ZFP2: variants seen among roughly 807,000 people sequenced by gnomAD.
ZFP2 encodes ZFP2 zinc finger protein.
Under a neutral mutation model 36.1 loss-of-function variants are expected in ZFP2, and 33 were observed. The ratio of observed to expected loss-of-function variants is 0.92; its 90% CI spans 0.69 to 1.22. The LOEUF (loss-of-function observed/expected upper bound fraction) is 1.22, where lower values mean the gene tolerates loss of function less well. Ranked by LOEUF, ZFP2 falls within the 50% of genes most tolerant of loss-of-function variation. The pLI, the probability that ZFP2 is intolerant of heterozygous loss-of-function variation, is 0.00. For synonymous variants in ZFP2, 170 were observed against 178.0 expected (o/e 0.96, Z 0.36); for missense variants, 522 against 551.4 (o/e 0.95, Z 0.53).
rs777375924 is a variant in ZFP2 at position 178,932,086 on chromosome 5, T to C, written c.773T>C (p.Ile258Thr). ...GCCTTCAGTCAAAGCATGCATCTTA[T>C]TGTACATCAGAGAAGCCATACTGGA... ...GKAFSQSMHL[I>T]VHQRSHTGEK... The change falls in exon 5 of 5, where the codon ATT becomes ACT. Residue 258 changes from isoleucine to threonine, a missense_variant. Transcript: ENST00000361362. 3 of 1,613,916 alleles carry C rather than the reference T, an allele frequency of 1.9e-6. No individual in the cohort carries two copies. Among genetic ancestry groups the C allele is most frequent in the Non-Finnish European group, 1.7e-6 (2 of 1,179,976 alleles).
intron 1 of ZFP2, among the ~76,000 whole-genome samples, chr5:178,898,746 A>G (rs558805104): frequency 6.6e-6 from 1 of 152,320 alleles, no homozygotes; most frequent in South Asian, 2.1e-4. Context: ...TGCTCAGGAC[A>G]GGGTTATTGA....
chr5:178,899,562 G>A (rs76478747), intron 1 of ZFP2, among the ~76,000 whole-genome samples: 39 of 152,010 alleles, frequency 2.6e-4, no homozygotes, highest in Admixed American at 5.9e-4. Flanking sequence ...ACCAAGTGTC[G>A]GGAAGGAGGA....
chr5:178,921,097 G>A (rs987084648), intron 4 of ZFP2, among the ~76,000 whole-genome samples: 16 of 152,252 alleles, frequency 1.1e-4, no homozygotes, highest in Middle Eastern at 3.4e-3. Flanking sequence ...GCTCACATGT[G>A]TGTCACTCTG....
intron 1 of ZFP2, among the ~76,000 whole-genome samples, chr5:178,898,607 C>T (rs72816610): frequency 3.9e-5 from 6 of 152,190 alleles, no homozygotes; most frequent in Non-Finnish European, 8.8e-5. Context: ...CTGTCCCTCC[C>T]CAAGGAAGAA....
intron 1 of ZFP2, among the ~76,000 whole-genome samples, chr5:178,897,117 A>G (rs1280337168): frequency 6.6e-6 from 1 of 151,738 alleles, no homozygotes; most frequent in African/African-American, 2.4e-5. Flanking sequence ...TTATTCTATA[A>G]ATCTCTTAAA....
intron 1 of ZFP2, among the ~76,000 whole-genome samples, chr5:178,903,997 G>C: frequency 7.0e-6 from 1 of 142,744 alleles, no homozygotes. Context: ...CTCCAAAAAA[G>C]AAAAAAGAAA....
chr5:178,913,393 G>A (rs570362986), intron 3 of ZFP2, among the ~76,000 whole-genome samples: 2 of 152,088 alleles, frequency 1.3e-5, no homozygotes, highest in Non-Finnish European at 2.9e-5. Context: ...CTGTCTTTAC[G>A]CATCTTCTCT....
chr5:178,931,949 A>G lies in ZFP2; in HGVS notation c.636A>G (p.Lys212=), dbSNP rs34499286. 0.034 allele frequency: 55,350 copies of G among 1,614,036 alleles called. 1,177 individuals carry two copies. The highest frequency in any genetic ancestry group is 0.068 in the South Asian group (6,217 of 91,072). The change falls in exon 5 of 5, where the codon AAA becomes AAG. Residue 212 remains lysine (K), a synonymous_variant. Coordinates refer to ENST00000361362, the MANE Select transcript of ZFP2 (RefSeq NM_030613.4). Reference sequence around the variant, plus strand: ...ATGAAAGGATTCATACTGGAGAGAAACCCTACAAATGTAATGAATGTGGTA... The same window carrying G: ...ATGAAAGGATTCATACTGGAGAGAAGCCCTACAAATGTAATGAATGTGGTA... ...IQHERIHTGE[K]PYKCNECGKA...
At chr5:178,917,167 A>T (rs1464407860) in intron 4 of ZFP2, among the ~76,000 whole-genome samples, 1 of 152,250 alleles carries the variant, frequency 6.6e-6, no homozygotes, top group Non-Finnish European at 1.5e-5. Context: ...ATATTCAGTT[A>T]TGAAGGAGAT....
chr5:178,913,618 A>G (rs1758349543), intron 3 of ZFP2, among the ~76,000 whole-genome samples: 1 of 152,088 alleles, frequency 6.6e-6, no homozygotes, highest in Non-Finnish European at 1.5e-5. Context: ...GCAGCCTTAC[A>G]TTGTGTATAT....
At chr5:178,909,949 G>C in intron 1 of ZFP2, 1 of 1,419,020 alleles carries the variant, frequency 7.0e-7, no homozygotes. Flanking sequence ...AGGAAGTTCA[G>C]CCATTGGTCC....
chr5:178,926,494 C>T (rs968932774), intron 4 of ZFP2, among the ~76,000 whole-genome samples: 1 of 151,950 alleles, frequency 6.6e-6, no homozygotes, highest in East Asian at 1.9e-4. Flanking sequence ...CAGGGAGCTG[C>T]CAATTCACAT....
At chr5:178,918,058 C>G (rs1758478623) in intron 4 of ZFP2, among the ~76,000 whole-genome samples, 1 of 152,142 alleles carries the variant, frequency 6.6e-6, no homozygotes, top group Admixed American at 6.5e-5. Context: ...TTTCTCTCAC[C>G]CATCATGTTC....
intron 1 of ZFP2, chr5:178,910,347 A>C: frequency 9.1e-7 from 1 of 1,104,224 alleles, no homozygotes; most frequent in African/African-American, 1.5e-5. Flanking sequence ...CAGTTCTTCC[A>C]ACCCCTGCAA....
intron 1 of ZFP2, among the ~76,000 whole-genome samples, chr5:178,898,917 T>C (rs1388755674): frequency 1.3e-5 from 2 of 152,172 alleles, no homozygotes; most frequent in Non-Finnish European, 2.9e-5. Context: ...GTGCTGGTGC[T>C]TATAGGGCTT....
intron 1 of ZFP2, chr5:178,909,951 C>T: frequency 7.1e-7 from 1 of 1,417,372 alleles, no homozygotes; most frequent in Non-Finnish European, 1.0e-6. Context: ...GAAGTTCAGC[C>T]ATTGGTCCAA....
At chr5:178,916,239 GGGAGT>G (rs1369967997) in intron 3 of ZFP2, among the ~76,000 whole-genome samples, 6 of 152,154 alleles carry the variant, frequency 3.9e-5, no homozygotes, top group Non-Finnish European at 1.5e-5. Context: ...TTGGTGATGA[GGGAGT>G]GGCCTGGGAC....
At chr5:178,930,996 TTATGCAGTA>T (rs1758815621) in intron 4 of ZFP2, among the ~76,000 whole-genome samples, 2 of 152,344 alleles carry the variant, frequency 1.3e-5, no homozygotes, top group Admixed American at 1.3e-4. Flanking sequence ...TTTTCTCTGC[TTATGCAGTA>T]CATCTGCCAT....
At chr5:178,908,632 A>G (rs1221658655) in intron 1 of ZFP2, among the ~76,000 whole-genome samples, 1 of 151,734 alleles carries the variant, frequency 6.6e-6, no homozygotes, top group South Asian at 2.1e-4. Context: ...AAAAAAAAAA[A>G]AAAAAACCTA....
Sources: allele counts gnomAD v4.1 joint callset (sites outside exome capture counted in the v4.1 genomes callset), GRCh38; gene constraint gnomAD v4.1.1; transcripts MANE v1.5; gene names NCBI Gene and HGNC (gene_info 2026-07-23, HGNC 2026-07-21).